JARID2: variants seen among roughly 807,000 people sequenced by gnomAD.
The protein encoded by JARID2 is protein Jumonji.
Under a neutral mutation model 125.6 loss-of-function variants are expected in JARID2, and 21 were observed. The ratio of observed to expected loss-of-function variants is 0.17; its 90% confidence interval spans 0.12 to 0.24. The LOEUF is 0.24. JARID2 is among the 10% of genes least tolerant of loss of function. The probability of loss-of-function intolerance (pLI) is 1.00; values close to 1 mark genes in which losing one functional copy is unlikely to be tolerated. For missense variants in JARID2, 1,303 were observed against 1,639.6 expected (o/e 0.79, Z 3.55); for synonymous variants, 736 against 661.6 (o/e 1.11, Z -1.73).
intron 4 of JARID2, among the ~76,000 whole-genome samples, chr6:15,466,234 T>C (rs929073387): frequency 2.0e-5 from 3 of 152,180 alleles, no homozygotes; most frequent in African/African-American, 7.2e-5. Context: ...GTAACAGCTT[T>C]CCCTCCTGCT....
intron 1 of JARID2, among the ~76,000 whole-genome samples, chr6:15,268,283 A>ACTGT (rs1443381113): frequency 6.6e-6 from 1 of 152,222 alleles, no homozygotes; most frequent in African/African-American, 2.4e-5. Context: ...AACAGTGGAT[A>ACTGT]TCTTGCTGCT....
intron 2 of JARID2, among the ~76,000 whole-genome samples, chr6:15,375,830 T>A (rs898078877): frequency 3.3e-5 from 5 of 152,228 alleles, no homozygotes; most frequent in African/African-American, 1.2e-4. Flanking sequence ...ATGCTCTCAC[T>A]GTACTGTTCA....
At chr6:15,481,506 AT>A (rs1769614932) in intron 5 of JARID2, among the ~76,000 whole-genome samples, 2 of 152,194 alleles carry the variant, frequency 1.3e-5, no homozygotes, top group South Asian at 4.1e-4. Context: ...AATCTTACAA[AT>A]TAAGACAAAA....
At chr6:15,276,545 T>A (rs1021331093) in intron 1 of JARID2, among the ~76,000 whole-genome samples, 1 of 152,222 alleles carries the variant, frequency 6.6e-6, no homozygotes, top group Non-Finnish European at 1.5e-5. Context: ...CTCAGCCGCT[T>A]CCATTTCCAC....
intron 2 of JARID2, among the ~76,000 whole-genome samples, chr6:15,376,500 G>A (rs1234783621): frequency 1.3e-5 from 2 of 152,092 alleles, no homozygotes; most frequent in South Asian, 2.1e-4. Flanking sequence ...AGGATTGCTG[G>A]AGCCCAGGAG....
chr6:15,355,728 C>T (rs1043053703), intron 1 of JARID2, among the ~76,000 whole-genome samples: 16 of 152,118 alleles, frequency 1.1e-4, no homozygotes, highest in Admixed American at 5.2e-4. Flanking sequence ...TCTCGTGCCT[C>T]GGTCTCCAGA....
In JARID2 at chr6:15,300,176, A is replaced by G. The variant is rs563147853; in HGVS notation, c.45+53592A>G. Reference sequence around the variant, plus strand: ...TGGGATAGGCAGAAATCTGTTGGAAAAATTTTCCGCAGTGAAGGTTGGATG... The same window carrying G: ...TGGGATAGGCAGAAATCTGTTGGAAGAATTTTCCGCAGTGAAGGTTGGATG... On this transcript the variant is annotated intron_variant, in intron 1 of 17. Transcript: ENST00000341776. 1.1e-4 allele frequency among the ~76,000 whole-genome samples: 16 copies of G among 152,268 alleles called. No individual in the cohort carries two copies. The South Asian group carries it at 3.1e-3, about 30-fold the overall frequency.
chr6:15,487,263 G>A (rs1195368325), intron 5 of JARID2, 44 bp from the exon 6 acceptor site: 1 of 1,527,822 alleles, frequency 6.5e-7, no homozygotes, highest in Admixed American at 1.8e-5. Flanking sequence ...GCGTGGTAGT[G>A]GTCAAGGTAG....
At chr6:15,507,315 T>C in intron 10 of JARID2, 31 bp from the exon 11 acceptor site, 1 of 1,610,404 alleles carries the variant, frequency 6.2e-7, no homozygotes, top group East Asian at 2.2e-5. Context: ...TCCCCGCCAG[T>C]TTGTAACGTC....
In JARID2 at chr6:15,304,165, A is replaced by G. The variant is rs565272866; in HGVS notation, c.45+57581A>G. Among the ~76,000 whole-genome samples, 583 of 152,212 alleles carry G rather than the reference A, an allele frequency of 3.8e-3. 2 individuals carry two copies. The highest frequency in any genetic ancestry group is 0.024 in the Middle Eastern group (7 of 294). On this transcript the variant is annotated intron_variant, in intron 1 of 17. Coordinates refer to ENST00000341776, the MANE Select transcript of JARID2 (RefSeq NM_004973.4). ...ACTCCCGCTAATAACCAGCCTTGAT[A>G]ACCAGCTGAGGGCGCAGGGCTCAGG... is the stretch of plus-strand genomic sequence containing the variant.
chr6:15,461,044 G>C (rs1245716525), intron 4 of JARID2, among the ~76,000 whole-genome samples: 1 of 152,162 alleles, frequency 6.6e-6, no homozygotes, highest in Non-Finnish European at 1.5e-5. Flanking sequence ...TTCTCCACTT[G>C]AGATAATACC....
chr6:15,469,053 T>C (rs1308325476), intron 5 of JARID2, among the ~76,000 whole-genome samples: 1 of 152,066 alleles, frequency 6.6e-6, no homozygotes, highest in Non-Finnish European at 1.5e-5. Flanking sequence ...TAATTACTAA[T>C]GTGATTTTAG....
rs116986695 is a variant in JARID2 at position 15,518,628 on chromosome 6, C to T, written c.3558+1360C>T. On this transcript the variant is annotated intron_variant, in intron 17 of 17. Coordinates refer to ENST00000341776, the MANE Select transcript of JARID2 (RefSeq NM_004973.4). Reference sequence around the variant, plus strand: ...TCTGGAGTAGCTGGGATTACAGGTGCCCGCCACTACGCACCCGGCTAATTT... The same window carrying T: ...TCTGGAGTAGCTGGGATTACAGGTGTCCGCCACTACGCACCCGGCTAATTT... Among the ~76,000 whole-genome samples the T allele has an allele frequency of 2.8e-3, 428 of 152,198 alleles. 18 individuals are homozygous for T. The East Asian group carries it at 0.078, about 28-fold the overall frequency.
At position 15,246,216 on chromosome 6, in the gene JARID2, A is replaced by C; in HGVS notation, c.-324A>C. ...TTTCGCTGATGTAGTTTTTGGAGGA[A>C]AAAGGGGGGGGAGTGAAGGGCGTCG... On this transcript the variant is annotated 5_prime_UTR_variant, in exon 1 of 18. Coordinates refer to ENST00000341776, the MANE Select transcript of JARID2 (RefSeq NM_004973.4). The C allele has an allele frequency of 2.1e-6, 1 of 469,882 alleles. No individual in the cohort carries two copies. The highest frequency in any genetic ancestry group is 3.4e-5 in the East Asian group (1 of 29,236). 29.1% of individuals were successfully genotyped at this position (469,882 alleles called of 1,614,324 possible). A position where few individuals can be genotyped will look rare whatever the true frequency, so the allele number is the denominator to read the frequency against.
chr6:15,410,503 C>T (rs1187633329), intron 3 of JARID2, 138 bp downstream of exon 3: 16 of 780,408 alleles, frequency 2.1e-5, no homozygotes, highest in Admixed American at 2.8e-5. Flanking sequence ...CATGAGGTTT[C>T]GTATCAAATG....
intron 3 of JARID2, among the ~76,000 whole-genome samples, chr6:15,415,647 A>ACC (rs538253633): frequency 4.2e-4 from 38 of 89,858 alleles, no homozygotes; most frequent in African/African-American, 1.8e-3. Context: ...CGGGGGGCTG[A>ACC]CCCCCCCCAC....
intron 1 of JARID2, among the ~76,000 whole-genome samples, chr6:15,258,753 G>A (rs958038276): frequency 6.6e-6 from 1 of 152,216 alleles, no homozygotes; most frequent in African/African-American, 2.4e-5. Flanking sequence ...CTGCACTCCA[G>A]CCTGGGCAAC....
intron 1 of JARID2, chr6:15,369,204 G>A (rs1764078455): frequency 6.3e-6 from 2 of 316,164 alleles, no homozygotes; most frequent in Non-Finnish European, 1.3e-5. Context: ...TTAGTAAAAA[G>A]ACTCACAGTC....
At chr6:15,302,030 C>T (rs1761642141) in intron 1 of JARID2, among the ~76,000 whole-genome samples, 1 of 152,116 alleles carries the variant, frequency 6.6e-6, no homozygotes, top group Non-Finnish European at 1.5e-5. Flanking sequence ...AACGTGATAC[C>T]TTTTCATCTT....
Sources: allele counts gnomAD v4.1 joint callset (sites outside exome capture counted in the v4.1 genomes callset), GRCh38; gene constraint gnomAD v4.1.1; transcripts MANE v1.5; gene names NCBI Gene and HGNC (gene_info 2026-07-23, HGNC 2026-07-21).